Variants in CLASP2 observed in about 807,000 individuals in gnomAD.
The protein encoded by CLASP2 is CLIP-associating protein 2.
In CLASP2, 47 loss-of-function variants were observed where a neutral mutation model predicts 194.4. That is an observed-to-expected ratio of 0.24 (90% CI 0.19 to 0.31). CLASP2 has a LOEUF of 0.31. Ranked by LOEUF, CLASP2 falls within the 10% of genes least tolerant of loss-of-function variation. CLASP2 has a pLI of 1.00. For synonymous variants in CLASP2, 619 were observed against 633.5 expected, an observed-to-expected ratio of 0.98 and a Z score of 0.34; for missense variants, 1,445 against 1,823.6, an observed-to-expected ratio of 0.79 and a Z score of 3.78.
intron 34 of CLASP2, among the ~76,000 whole-genome samples, chr3:33,524,462 C>T (rs1393300110): frequency 2.0e-5 from 3 of 151,968 alleles, no homozygotes; most frequent in Non-Finnish European, 2.9e-5. Context: ...CCAGACCAGG[C>T]AACACAGTGA....
In CLASP2 at chr3:33,516,078, T is replaced by C. The variant is rs561251841; in HGVS notation, c.4055A>G (p.Tyr1352Cys). ...TGTTTTCATGACAGTCAATTCTGCATAGTTTTTAAATCTTGCTGGTTGATG... is the reference window on the plus strand; with the variant it reads ...TGTTTTCATGACAGTCAATTCTGCACAGTTTTTAAATCTTGCTGGTTGATG... ...LRHQPARFKN[Y>C]AELTVMKTLE... The change falls in exon 36 of 39, where the codon TAT (tyrosine) becomes TGT (cysteine). Residue 1352 changes from tyrosine (Y) to cysteine (C), a missense_variant. Around this residue, in one of 4 missense-constraint regions of CLASP2, gnomAD observed 732 missense variants for 987.9 expected, o/e 0.74. Coordinates refer to ENST00000682230, the MANE Select transcript of CLASP2 (RefSeq NM_001365631.1). 6.2e-7 allele frequency: 1 copy of C among 1,610,718 alleles called. No individual in the cohort carries two copies. The highest frequency in any genetic ancestry group is 2.2e-5 in the East Asian group (1 of 44,774).
intron 28 of CLASP2, among the ~76,000 whole-genome samples, chr3:33,559,813 G>C (rs1010684582): frequency 4.6e-5 from 7 of 152,136 alleles, no homozygotes; most frequent in African/African-American, 1.7e-4. Flanking sequence ...AGAATCGCTT[G>C]AACCCAGGAG....
At chr3:33,506,664 T>C (rs1477353540) in intron 37 of CLASP2, among the ~76,000 whole-genome samples, 2 of 152,128 alleles carry the variant, frequency 1.3e-5, no homozygotes, top group Non-Finnish European at 2.9e-5. Flanking sequence ...AATTTCTGTA[T>C]ATGGTGTGAG....
intron 21 of CLASP2, among the ~76,000 whole-genome samples, chr3:33,586,367 T>C (rs1254456213): frequency 6.6e-6 from 1 of 152,104 alleles, no homozygotes; most frequent in Non-Finnish European, 1.5e-5. Context: ...ACTCCTGACC[T>C]TGTGATCTGC....
chr3:33,608,458 A>C, intron 14 of CLASP2, 109 bp downstream of exon 14: 2 of 871,600 alleles, frequency 2.3e-6, no homozygotes, highest in Non-Finnish European at 3.7e-6. Flanking sequence ...AACCAGTACA[A>C]ATAACCTTTG....
At chr3:33,528,993 A>G (rs563725612) in intron 34 of CLASP2, among the ~76,000 whole-genome samples, 1 of 152,332 alleles carries the variant, frequency 6.6e-6, no homozygotes, top group Admixed American at 6.5e-5. Context: ...TATAAAATCA[A>G]CATACGAAAA....
In CLASP2 at chr3:33,570,801, A is replaced by G; in HGVS notation, c.2700-11T>C. Reference sequence around the variant, plus strand: ...TTCAGTTCAACTCGACTGCCAAGATAATACAGCGGTTAATTAATATCTTGC... The same window carrying G: ...TTCAGTTCAACTCGACTGCCAAGATGATACAGCGGTTAATTAATATCTTGC... On this transcript the variant is annotated splice_polypyrimidine_tract_variant and intron_variant, in intron 25 of 38. Transcript: ENST00000682230. 6.4e-7 allele frequency: 1 copy of G among 1,571,574 alleles called. No homozygotes were observed. The highest frequency in any genetic ancestry group is 8.6e-7 in the Non-Finnish European group (1 of 1,157,660).
rs1027551026 is a variant in CLASP2 at position 33,687,125 on chromosome 3, G to T, written c.481C>A (p.Gln161Lys). The T allele has an allele frequency of 4.4e-6, 7 of 1,593,262 alleles. No individual in the cohort carries two copies. The highest frequency in any genetic ancestry group is 5.1e-6 in the Non-Finnish European group (6 of 1,168,694). ...ATCAATTTGCTGATGACTAGTGGCTGAGCCCCAAAACTAAATATAATTTGA... is the reference window on the plus strand; with the variant it reads ...ATCAATTTGCTGATGACTAGTGGCTTAGCCCCAAAACTAAATATAATTTGA... ...LIETLNIFGA[Q>K]PLVISKLIPH... The change falls in exon 5 of 39, where the codon CAG (glutamine) becomes AAG (lysine). Residue 161 changes from glutamine (Q) to lysine (K), a missense_variant. Physicochemically the swap from Gln to Lys is moderately conservative, Grantham distance 53 (BLOSUM62 1). Transcript: ENST00000682230.
chr3:33,609,900 G>C (rs2154264057), intron 13 of CLASP2, among the ~76,000 whole-genome samples: 1 of 152,252 alleles, frequency 6.6e-6, no homozygotes. Context: ...ATGAGAAATG[G>C]GGAGGTTAAA....
At chr3:33,629,097 C>T (rs986269057) in intron 9 of CLASP2, among the ~76,000 whole-genome samples, 8 of 151,780 alleles carry the variant, frequency 5.3e-5, no homozygotes, top group Admixed American at 3.9e-4. Context: ...TAAGAATAAG[C>T]TAGAAAGAAG....
At chr3:33,588,749 C>T (rs1391161852) in intron 21 of CLASP2, 2 of 701,964 alleles carry the variant, frequency 2.8e-6, no homozygotes, top group Non-Finnish European at 5.2e-6. Flanking sequence ...AGTGTAAAGG[C>T]AGAATTAGGG....
intron 29 of CLASP2, chr3:33,558,522 C>A (rs560898763): frequency 1.3e-4 from 20 of 150,534 alleles, no homozygotes; most frequent in African/African-American, 4.4e-4. Flanking sequence ...AAAAAAAAAA[C>A]CTTTAGCAAA....
At position 33,559,314 on chromosome 3, in the gene CLASP2, C is replaced by T. The variant is rs756866089; in HGVS notation, c.3002G>A (p.Ser1001Asn). 3 of 1,568,350 alleles carry T rather than the reference C, an allele frequency of 1.9e-6. No homozygotes were observed. Among genetic ancestry groups the T allele is most frequent in the Admixed American group, 3.5e-5 (2 of 57,786 alleles). Reference protein sequence around the residue: ...RFTVDQTQTPSLKVKVAILKY... With the variant: ...RFTVDQTQTPNLKVKVAILKY... ...AAGATCTCAAAGTTTTACCTTTAAG[C>T]TTGGTGTCTGGGTCTGATCAACTGT... Residue 1001 changes from serine (S) to asparagine (N), a missense_variant, in exon 29 of 39, where the codon AGC (serine) becomes AAC (asparagine). Transcript: ENST00000682230.
At chr3:33,701,343 C>T (rs2092358079) in intron 1 of CLASP2, among the ~76,000 whole-genome samples, 1 of 152,214 alleles carries the variant, frequency 6.6e-6, no homozygotes, top group Non-Finnish European at 1.5e-5. Context: ...CTGTAAGAGG[C>T]ACATGCCTGT....
intron 27 of CLASP2, among the ~76,000 whole-genome samples, chr3:33,565,929 G>T (rs1158143679): frequency 1.3e-5 from 2 of 151,986 alleles, no homozygotes; most frequent in Admixed American, 6.6e-5. Flanking sequence ...TTATGTTTTG[G>T]GGAGTTAAAA....
At position 33,496,372 on chromosome 3, in the gene CLASP2, T is replaced by C. The variant is rs1285967024; in HGVS notation, c.*2259A>G. 4 of 152,188 alleles carry C rather than the reference T, an allele frequency of 2.6e-5. No homozygotes were observed. Among genetic ancestry groups the C allele is most frequent in the South Asian group, 4.1e-4 (2 of 4,834 alleles). 9.4% of individuals were successfully genotyped at this position (152,188 alleles called of 1,614,324 possible). On this transcript the variant is annotated 3_prime_UTR_variant, in exon 39 of 39. Coordinates refer to ENST00000682230, the MANE Select transcript of CLASP2 (RefSeq NM_001365631.1). ...TATAAACAGTAGCTTTTTGTGACCA[T>C]TTTTAAGTAGCTGACATCTCAGTAT... is the stretch of plus-strand genomic sequence containing the variant.
chr3:33,632,342 C>T lies in CLASP2; in HGVS notation c.892G>A (p.Val298Ile), dbSNP rs1162536220. The T allele has an allele frequency of 6.2e-7, 1 of 1,604,866 alleles. No homozygotes were observed. The highest frequency in any genetic ancestry group is 2.2e-5 in the East Asian group (1 of 44,572). ...GASKEGGAGA[V>I]DEDDFIKAFT... ...GCTTTTATAAAATCATCTTCATCAACTGCTCCAGCACCTCCTTCCTTAGAA... is the reference window on the plus strand; with the variant it reads ...GCTTTTATAAAATCATCTTCATCAATTGCTCCAGCACCTCCTTCCTTAGAA... Residue 298 changes from valine (V) to isoleucine (I), a missense_variant, in exon 9 of 39, where the codon GTT becomes ATT. Coordinates refer to ENST00000682230, the MANE Select transcript of CLASP2 (RefSeq NM_001365631.1).
chr3:33,574,018 G>A (rs1242120405), intron 24 of CLASP2, among the ~76,000 whole-genome samples: 1 of 152,074 alleles, frequency 6.6e-6, no homozygotes, highest in Non-Finnish European at 1.5e-5. Context: ...ATATAAGAAA[G>A]CATATTCAGA....
intron 6 of CLASP2, among the ~76,000 whole-genome samples, chr3:33,669,839 C>A (rs1293818746): frequency 6.6e-6 from 1 of 152,062 alleles, no homozygotes; most frequent in African/African-American, 2.4e-5. Context: ...TGGGATACAA[C>A]CACTCTGGAA....
Sources: allele counts gnomAD v4.1 joint callset (sites outside exome capture counted in the v4.1 genomes callset), GRCh38; gene constraint gnomAD v4.1.1; regional missense constraint gnomAD v4.1.1; transcripts MANE v1.5; gene names NCBI Gene and HGNC (gene_info 2026-07-23, HGNC 2026-07-21).